Variants in PKNOX2 observed in about 807,000 individuals in gnomAD.
The protein encoded by PKNOX2 is PBX/knotted 1 homeobox 2.
PKNOX2 carries 14 observed loss-of-function variants against 53.1 expected under a neutral mutation model. The observed-to-expected ratio is 0.26, with a 90% CI of 0.17 to 0.41. The LOEUF is 0.41. PKNOX2 is among the 10% of genes least tolerant of loss of function. The pLI is 1.00. For synonymous variants in PKNOX2, 257 were observed against 242.8 expected (o/e 1.06, Z -0.54); for missense variants, 496 against 602.8 (o/e 0.82, Z 1.85).
At chr11:125,202,720 TGG>T (rs552127622) in intron 1 of PKNOX2, among the ~76,000 whole-genome samples, 74 of 133,586 alleles carry the variant, frequency 5.5e-4, no homozygotes, top group African/African-American at 2.0e-3. Flanking sequence ...GGCTGTGGGT[TGG>T]GGGGGAGGGG....
At chr11:125,380,286 T>C (rs1953131628) in intron 5 of PKNOX2, among the ~76,000 whole-genome samples, 1 of 152,230 alleles carries the variant, frequency 6.6e-6, no homozygotes, top group Admixed American at 6.5e-5. Flanking sequence ...TAAAATGTCA[T>C]GCCAGTTCAC....
In PKNOX2 at chr11:125,406,263, G is replaced by A. The variant is rs557430903; in HGVS notation, c.589-3933G>A. 2.6e-5 allele frequency among the ~76,000 whole-genome samples: 4 copies of A among 152,306 alleles called. No homozygotes were observed. In the South Asian group the frequency reaches 6.2e-4, roughly 24 times the overall value. The stretch of plus-strand genomic sequence containing the variant: ...AGACCCTCCTTGTCTCCATTCCACG[G>A]CTCTAGAGACTAAGCCTGGACTGGA... On this transcript the variant is annotated intron_variant, in intron 7 of 12. Transcript: ENST00000298282.
chr11:125,253,240 T>C (rs1476675118), intron 2 of PKNOX2, among the ~76,000 whole-genome samples: 2 of 152,212 alleles, frequency 1.3e-5, no homozygotes, highest in Non-Finnish European at 2.9e-5. Context: ...CAGATACTCT[T>C]TGAGGCACTT....
chr11:125,423,927 C>G (rs557923335), intron 10 of PKNOX2, among the ~76,000 whole-genome samples: 1 of 152,264 alleles, frequency 6.6e-6, no homozygotes, highest in Non-Finnish European at 1.5e-5. Flanking sequence ...CAGTGGAAAA[C>G]TACACAGCGA....
chr11:125,307,010 G>T (rs1591521135), intron 2 of PKNOX2, among the ~76,000 whole-genome samples: 1 of 152,172 alleles, frequency 6.6e-6, no homozygotes, highest in Non-Finnish European at 1.5e-5. Flanking sequence ...TGTGGGCCCA[G>T]CACACTTTAT....
intron 10 of PKNOX2, among the ~76,000 whole-genome samples, chr11:125,416,893 T>C (rs1955914401): frequency 6.6e-6 from 1 of 152,060 alleles, no homozygotes; most frequent in African/African-American, 2.4e-5. Context: ...TTTCTACTGT[T>C]CTGCAGCCCT....
chr11:125,414,347 T>C (rs1955750746), intron 10 of PKNOX2, among the ~76,000 whole-genome samples: 2 of 152,190 alleles, frequency 1.3e-5, no homozygotes, highest in Non-Finnish European at 2.9e-5. Flanking sequence ...AGCCTGGCAG[T>C]GGGCACAGGT....
chr11:125,243,307 G>C (rs542822921), intron 2 of PKNOX2, among the ~76,000 whole-genome samples: 5 of 152,198 alleles, frequency 3.3e-5, no homozygotes, highest in African/African-American at 9.6e-5. Flanking sequence ...GCTCAGCCCA[G>C]AGGCCCTTCC....
chr11:125,222,476 A>C (rs1267113657), intron 1 of PKNOX2, among the ~76,000 whole-genome samples: 2 of 151,970 alleles, frequency 1.3e-5, no homozygotes, highest in African/African-American at 2.4e-5. Flanking sequence ...GTACCTAGGG[A>C]CTGGGTTAAA....
intron 2 of PKNOX2, among the ~76,000 whole-genome samples, chr11:125,280,932 T>A (rs1946516771): frequency 6.6e-6 from 1 of 152,196 alleles, no homozygotes; most frequent in African/African-American, 2.4e-5. Context: ...GCCAAGAGTC[T>A]GAGGGTGTCC....
intron 2 of PKNOX2, among the ~76,000 whole-genome samples, chr11:125,256,697 G>C (rs912587160): frequency 6.6e-6 from 1 of 152,160 alleles, no homozygotes; most frequent in Admixed American, 6.5e-5. Context: ...TGACTTGGCA[G>C]CCCCCTGAGA....
chr11:125,291,012 C>T (rs991190123), intron 2 of PKNOX2, among the ~76,000 whole-genome samples: 7 of 152,144 alleles, frequency 4.6e-5, no homozygotes, highest in African/African-American at 1.2e-4. Flanking sequence ...GACTACACCC[C>T]GATACCATGT....
chr11:125,222,629 G>GTGTGCA (rs1565472835), intron 1 of PKNOX2, among the ~76,000 whole-genome samples: 3 of 149,570 alleles, frequency 2.0e-5, no homozygotes, highest in African/African-American at 7.4e-5. Context: ...GTGTATGTGT[G>GTGTGCA]TGTGTATGTG....
At chr11:125,286,545 T>C (rs1946910520) in intron 2 of PKNOX2, among the ~76,000 whole-genome samples, 1 of 152,228 alleles carries the variant, frequency 6.6e-6, no homozygotes, top group Non-Finnish European at 1.5e-5. Context: ...CCCTTGGCCC[T>C]ATGCCACCCC....
chr11:125,356,445 G>A (rs71474142), intron 4 of PKNOX2, among the ~76,000 whole-genome samples: 2,601 of 152,332 alleles, frequency 0.017, 54 homozygotes, highest in Non-Finnish European at 0.025. Flanking sequence ...GTTGAGGTCC[G>A]GTTTGTGAGG....
intron 2 of PKNOX2, among the ~76,000 whole-genome samples, chr11:125,280,220 A>G (rs1179085254): frequency 6.6e-6 from 1 of 151,780 alleles, no homozygotes; most frequent in Non-Finnish European, 1.5e-5. Flanking sequence ...AAGCGAGATA[A>G]TTGCACTATT....
intron 2 of PKNOX2, among the ~76,000 whole-genome samples, chr11:125,295,417 C>T (rs1565490125): frequency 1.3e-5 from 2 of 152,138 alleles, no homozygotes; most frequent in Admixed American, 6.5e-5. Context: ...TATGTACACA[C>T]GTGTGTGTGT....
chr11:125,396,556 C>A (rs1954411543), intron 6 of PKNOX2, among the ~76,000 whole-genome samples: 2 of 145,460 alleles, frequency 1.4e-5, no homozygotes. Context: ...GGGAATTCAT[C>A]CTAAAGAATA....
chr11:125,222,713 G>GTA (rs1217399509), intron 1 of PKNOX2, among the ~76,000 whole-genome samples: 6 of 149,132 alleles, frequency 4.0e-5, no homozygotes, highest in Non-Finnish European at 7.4e-5. Context: ...TGTGTGCTGT[G>GTA]TATGTGTGTG....
Sources: allele counts gnomAD v4.1 joint callset (sites outside exome capture counted in the v4.1 genomes callset), GRCh38; gene constraint gnomAD v4.1.1; transcripts MANE v1.5; gene names NCBI Gene and HGNC (gene_info 2026-07-23, HGNC 2026-07-21).